SMYD3: variants seen among roughly 807,000 people sequenced by gnomAD.
SMYD3 encodes the protein SET and MYND domain containing 3, also known as histone-lysine N-methyltransferase SMYD3.
Under a neutral mutation model 57.7 loss-of-function variants are expected in SMYD3, and 36 were observed. That is an observed-to-expected ratio of 0.62 (90% CI 0.48 to 0.82). The LOEUF (loss-of-function observed/expected upper bound fraction) is 0.82, where lower values mean the gene tolerates loss of function less well. Among genes scored for constraint, SMYD3 ranks in the 40% least tolerant of loss-of-function variants. The pLI is 0.00. For missense variants in SMYD3, 515 were observed against 538.8 expected (o/e 0.96, Z 0.44); for synonymous variants, 211 against 195.0 (o/e 1.08, Z -0.68).
intron 1 of SMYD3, among the ~76,000 whole-genome samples, chr1:246,478,529 G>C: frequency 9.2e-6 from 1 of 108,710 alleles, no homozygotes; most frequent in African/African-American, 3.8e-5. Context: ...TGGTACATAA[G>C]TGCTCATATA....
chr1:246,383,799 C>T (rs186463414), intron 1 of SMYD3, among the ~76,000 whole-genome samples: 92 of 152,316 alleles, frequency 6.0e-4, no homozygotes, highest in African/African-American at 2.0e-3. Context: ...CAAAACCCTG[C>T]TCCTTTTTCT....
chr1:246,201,029 AC>A (rs2062915271), intron 5 of SMYD3, among the ~76,000 whole-genome samples: 1 of 152,234 alleles, frequency 6.6e-6, no homozygotes, highest in South Asian at 2.1e-4. Context: ...AGGTTTTCTC[AC>A]AACATATTCA....
chr1:245,806,788 T>C lies in SMYD3; in HGVS notation c.1077-42639A>G, dbSNP rs988695711. ...AGCCGGGCGCGGTGGCGGGCGCCTGTAGTCCCAGCTACTCGGGAGGCTGAG... is the reference window on the plus strand; with the variant it reads ...AGCCGGGCGCGGTGGCGGGCGCCTGCAGTCCCAGCTACTCGGGAGGCTGAG... On this transcript the variant is annotated intron_variant, in intron 10 of 11. Transcript: ENST00000490107. Among the ~76,000 whole-genome samples, 30 of 150,982 alleles carry C rather than the reference T, an allele frequency of 2.0e-4. 1 individual carries two copies. The highest frequency in any genetic ancestry group is 6.3e-3 in the Middle Eastern group (2 of 316).
At chr1:246,186,794 G>A (rs543774374) in intron 5 of SMYD3, 48 of 985,408 alleles carry the variant, frequency 4.9e-5, no homozygotes, top group East Asian at 4.5e-4. Context: ...CAGCCAAGTC[G>A]TGGGAAAGGC....
At chr1:245,910,683 T>C (rs960242583) in intron 8 of SMYD3, among the ~76,000 whole-genome samples, 1 of 151,678 alleles carries the variant, frequency 6.6e-6, no homozygotes, top group Non-Finnish European at 1.5e-5. Context: ...GAAAGGAAAA[T>C]CTAGATAGCC....
chr1:246,315,372 A>C (rs2065140112), intron 5 of SMYD3, among the ~76,000 whole-genome samples: 1 of 152,242 alleles, frequency 6.6e-6, no homozygotes, highest in Admixed American at 6.5e-5. Context: ...ATCCTAACCA[A>C]GTAGATTTCA....
intron 1 of SMYD3, among the ~76,000 whole-genome samples, chr1:246,394,476 C>G (rs1165807199): frequency 6.6e-6 from 1 of 152,224 alleles, no homozygotes; most frequent in Admixed American, 6.5e-5. Context: ...AGAGGCCGAA[C>G]CTTAATCATT....
At chr1:246,101,071 GTTTTTTT>G (rs754724096) in intron 5 of SMYD3, among the ~76,000 whole-genome samples, 1 of 54,122 alleles carries the variant, frequency 1.8e-5, no homozygotes, top group African/African-American at 5.2e-5. Flanking sequence ...GGGGTTTTTT[GTTTTTTT>G]TTTTTTTTTT....
At chr1:246,450,792 G>T (rs1401291422) in intron 1 of SMYD3, among the ~76,000 whole-genome samples, 1 of 152,188 alleles carries the variant, frequency 6.6e-6, no homozygotes. Flanking sequence ...TATTCTGAAA[G>T]ATGTACTACA....
chr1:246,462,274 TGCTGGGTACAGTGCATCCTCTC>T (rs2067811973), intron 1 of SMYD3, among the ~76,000 whole-genome samples: 1 of 19,114 alleles, frequency 5.2e-5, no homozygotes, highest in African/African-American at 1.7e-4. Context: ...CCGCGGGGCC[TGCTGGGTACAGTGCATCCTCTC>T]GCGGGGCCTG....
chr1:245,955,853 G>T (rs10802304), intron 5 of SMYD3: 701,275 of 821,086 alleles, frequency 0.85, 304,208 homozygotes, highest in Non-Finnish European at 0.89. Context: ...ATACTGCATT[G>T]ATGATTTTGC....
At chr1:245,825,027 T>C (rs2148356033) in intron 10 of SMYD3, among the ~76,000 whole-genome samples, 1 of 152,054 alleles carries the variant, frequency 6.6e-6, no homozygotes, top group Non-Finnish European at 1.5e-5. Context: ...CAAGACTCTG[T>C]CTCAAAAGAA....
chr1:246,061,372 T>C (rs2060249467), intron 5 of SMYD3, among the ~76,000 whole-genome samples: 1 of 152,104 alleles, frequency 6.6e-6, no homozygotes, highest in Non-Finnish European at 1.5e-5. Context: ...AGAGTTTCTT[T>C]AGGATCAAAT....
At chr1:246,244,449 A>G (rs1359905473) in intron 5 of SMYD3, among the ~76,000 whole-genome samples, 1 of 152,154 alleles carries the variant, frequency 6.6e-6, no homozygotes. Context: ...CACTTTATAA[A>G]TAGGATTTGA....
At chr1:246,190,790 T>C (rs2062725011) in intron 5 of SMYD3, among the ~76,000 whole-genome samples, 1 of 152,138 alleles carries the variant, frequency 6.6e-6, no homozygotes, top group Admixed American at 6.5e-5. Flanking sequence ...GTTCTCCAGC[T>C]ATCATTTTTT....
chr1:245,821,120 G>T (rs963339514), intron 10 of SMYD3, among the ~76,000 whole-genome samples: 1 of 150,136 alleles, frequency 6.7e-6, no homozygotes, highest in African/African-American at 2.4e-5. Context: ...CAAAGCTGGA[G>T]GCATCATGCT....
At chr1:246,329,426 T>C (rs909425087) in intron 4 of SMYD3, among the ~76,000 whole-genome samples, 2 of 152,246 alleles carry the variant, frequency 1.3e-5, no homozygotes, top group East Asian at 3.8e-4. Context: ...TTGATTTGCA[T>C]TTCTCTGATG....
chr1:246,350,974 C>A (rs1165882992), intron 2 of SMYD3, among the ~76,000 whole-genome samples: 1 of 152,114 alleles, frequency 6.6e-6, no homozygotes, highest in Non-Finnish European at 1.5e-5. Context: ...AGTTTCAGGC[C>A]GAATTTATGA....
rs116335148 is a variant in SMYD3, at chr1:245,917,498, C to T, written c.703-1858G>A. ...GTTTCCCTCATTGCTGCTGCTCCAC[C>T]AGGCTGGCCTCCCGTCTGGCTCCAC... On this transcript the variant is annotated intron_variant, in intron 7 of 11. Coordinates refer to ENST00000490107, the MANE Select transcript of SMYD3 (RefSeq NM_001167740.2). Among the ~76,000 whole-genome samples the T allele has an allele frequency of 9.9e-3, 1,510 of 152,270 alleles. 27 individuals carry two copies. Among genetic ancestry groups the T allele is most frequent in the African/African-American group, 0.035 (1,450 of 41,536 alleles).
Sources: allele counts gnomAD v4.1 joint callset (sites outside exome capture counted in the v4.1 genomes callset), GRCh38; gene constraint gnomAD v4.1.1; transcripts MANE v1.5; gene names NCBI Gene and HGNC (gene_info 2026-07-23, HGNC 2026-07-21).